The following EFCAB7 variants were observed in gnomAD, a reference collection of about 807,000 sequenced individuals.
EFCAB7 encodes EF-hand calcium binding domain 7.
In EFCAB7, 66 loss-of-function variants were observed where a neutral mutation model predicts 77.1. The ratio of observed to expected loss-of-function variants is 0.86; its 90% CI spans 0.70 to 1.05. The LOEUF is 1.05. Ranked by LOEUF, EFCAB7 falls within the 50% of genes least tolerant of loss-of-function variation. EFCAB7 has a pLI of 0.00. For synonymous variants in EFCAB7, 225 were observed against 243.3 expected (o/e 0.92, Z 0.70); for missense variants, 638 against 730.5 (o/e 0.87, Z 1.46).
chr1:63,533,701 T>G (rs781166888), intron 5 of EFCAB7, 52 bp downstream of exon 5: 5 of 1,359,708 alleles, frequency 3.7e-6, no homozygotes, highest in Non-Finnish European at 5.0e-6. Context: ...AGAGTCATAT[T>G]CAGATAAATT....
chr1:63,581,147 C>T, the EFCAB7 span, among the ~76,000 whole-genome samples: 1 of 152,060 alleles, frequency 6.6e-6, no homozygotes, highest in African/African-American at 2.4e-5. Flanking sequence ...TTTCCTTGCT[C>T]ACAATCTTAG....
intron 13 of EFCAB7, among the ~76,000 whole-genome samples, chr1:63,571,652 A>G (rs1440991915): frequency 1.4e-5 from 2 of 145,976 alleles, no homozygotes; most frequent in East Asian, 2.0e-4. Context: ...CCTGAGCGAC[A>G]AGAGTGAGAC....
Position 63,568,469 on chromosome 1 carries a change from G to A in EFCAB7, c.1657G>A (p.Val553Met), listed in dbSNP as rs112106239. The A allele has an allele frequency of 3.6e-4, 575 of 1,594,178 alleles. 2 individuals carry two copies. The African/African-American group carries it at 6.5e-3, about 18-fold the overall frequency. The change falls in exon 12 of 14, where the codon GTG becomes ATG. Residue 553 changes from valine (V) to methionine (M), a missense_variant. Val to Met is a conservative substitution (Grantham distance 21). Coordinates refer to ENST00000371088, the MANE Select transcript of EFCAB7 (RefSeq NM_032437.4). Reference protein sequence around the residue: ...KVMDGYENIIVHTYSCDTWIT... With the variant: ...KVMDGYENIIMHTYSCDTWIT... ...AATGGATGGCTATGAAAATATAATCGTGCATACTTACAGTTGTGACACCTG... is the reference window on the plus strand; with the variant it reads ...AATGGATGGCTATGAAAATATAATCATGCATACTTACAGTTGTGACACCTG...
At chr1:63,562,499 C>CTTT (rs371313667) in intron 11 of EFCAB7, among the ~76,000 whole-genome samples, 1 of 73,654 alleles carries the variant, frequency 1.4e-5, no homozygotes, top group African/African-American at 4.5e-5. Context: ...ATATATAAAA[C>CTTT]TTTTTTTTTT....
the EFCAB7 span, among the ~76,000 whole-genome samples, chr1:63,581,141 C>T: frequency 1.3e-5 from 2 of 151,998 alleles, no homozygotes; most frequent in Admixed American, 6.6e-5. Flanking sequence ...ATATCCTTTC[C>T]TTGCTCACAA....
chr1:63,534,616 ATCT>A (rs1646741880), intron 6 of EFCAB7, among the ~76,000 whole-genome samples: 1 of 152,080 alleles, frequency 6.6e-6, no homozygotes, highest in Non-Finnish European at 1.5e-5. Flanking sequence ...GTTAATATTG[ATCT>A]TCTTTCTTTG....
At chr1:63,549,521 A>T (rs1021356129) in intron 7 of EFCAB7, 1 of 456,870 alleles carries the variant, frequency 2.2e-6, no homozygotes, top group African/African-American at 2.1e-5. Context: ...TCATGGAAAA[A>T]GTTTTATTTA....
chr1:63,550,370 C>G (rs1181729983), intron 7 of EFCAB7: 1 of 152,056 alleles, frequency 6.6e-6, no homozygotes, highest in East Asian at 1.9e-4. Context: ...CCTCTTTGGA[C>G]TGAATACCTA....
intron 12 of EFCAB7, chr1:63,570,223 C>T (rs1647221725): frequency 6.6e-6 from 1 of 152,102 alleles, no homozygotes; most frequent in Admixed American, 6.5e-5. Flanking sequence ...TTATACTACC[C>T]CCTTTATAGT....
downstream of EFCAB7, among the ~76,000 whole-genome samples, chr1:63,576,347 G>T (rs1160009848): frequency 6.6e-6 from 1 of 151,806 alleles, no homozygotes; most frequent in Non-Finnish European, 1.5e-5. Flanking sequence ...AGGTGTGCTG[G>T]CGGACGCCTG....
In EFCAB7 at chr1:63,531,206, G is replaced by T. The variant is rs555124511; in HGVS notation, c.188-614G>T. 2.6e-5 allele frequency among the ~76,000 whole-genome samples: 4 copies of T among 151,888 alleles called. No individual in the cohort carries two copies. In the East Asian group the frequency reaches 5.8e-4, roughly 22 times the overall value. On this transcript the variant is annotated intron_variant, in intron 2 of 13. Coordinates refer to ENST00000371088, the MANE Select transcript of EFCAB7 (RefSeq NM_032437.4). ...ACTTAAGTTCCCCTTCCCAGTCTCT[G>T]GTAACCACTGATCTATTCTCTACTT...
At chr1:63,538,444 T>C (rs2100882565) in intron 6 of EFCAB7, among the ~76,000 whole-genome samples, 1 of 146,350 alleles carries the variant, frequency 6.8e-6, no homozygotes, top group Non-Finnish European at 1.5e-5. Context: ...TTTGAAAGGG[T>C]ATTTTTTTTT....
downstream of EFCAB7, chr1:63,572,756 G>A (rs1647303720): frequency 3.8e-6 from 3 of 782,414 alleles, no homozygotes; most frequent in Non-Finnish European, 4.7e-6. Flanking sequence ...CAATAAGGCT[G>A]TTTATTTCAC....
intron 7 of EFCAB7, chr1:63,550,932 G>T (rs1420156180): frequency 6.6e-6 from 1 of 152,184 alleles, no homozygotes; most frequent in African/African-American, 2.4e-5. Flanking sequence ...TTTAAAAAAA[G>T]ACTAGGGAAG....
chr1:63,560,313 C>T (rs9436689), intron 10 of EFCAB7, among the ~76,000 whole-genome samples: 27,825 of 151,756 alleles, frequency 0.18, 2,723 homozygotes, highest in Middle Eastern at 0.26. Flanking sequence ...AAAGTAGATT[C>T]GTTTTTGATA....
At chr1:63,527,941 A>G (rs572355486) in intron 2 of EFCAB7, 3 of 152,328 alleles carry the variant, frequency 2.0e-5, no homozygotes, top group Non-Finnish European at 2.9e-5. Flanking sequence ...AATGCTGGCA[A>G]GGATGTGGAG....
At chr1:63,545,662 C>T (rs112444955) in intron 6 of EFCAB7, among the ~76,000 whole-genome samples, 2,690 of 151,946 alleles carry the variant, frequency 0.018, 96 homozygotes, top group African/African-American at 0.061. Flanking sequence ...GACAGGGTTT[C>T]TCCATGTTGG....
chr1:63,534,196 A>G lies in EFCAB7; in HGVS notation c.784A>G (p.Met262Val). The change falls in exon 6 of 14, where the codon ATG becomes GTG. Residue 262 changes from methionine (M) to valine (V), a missense_variant. Coordinates refer to ENST00000371088, the MANE Select transcript of EFCAB7 (RefSeq NM_032437.4). ...TAATGGTAACCGAAACTCAAAGTTA[A>G]TGGAGCCAAATTTAATAAAGGTATA... The part of the protein sequence containing the change: ...GANGNRNSKL[M>V]EPNLIKDWQH... 1 of 1,612,696 alleles carries G rather than the reference A, an allele frequency of 6.2e-7. No homozygotes were observed. The highest frequency in any genetic ancestry group is 8.5e-7 in the Non-Finnish European group (1 of 1,179,170).
intron 1 of EFCAB7, 38 bp from the exon 2 acceptor site, chr1:63,525,534 C>G: frequency 7.1e-7 from 1 of 1,408,048 alleles, no homozygotes; most frequent in Non-Finnish European, 9.3e-7. Flanking sequence ...TTTAGTGACT[C>G]ACATTGACAA....
Sources: allele counts gnomAD v4.1 joint callset (sites outside exome capture counted in the v4.1 genomes callset), GRCh38; gene constraint gnomAD v4.1.1; transcripts MANE v1.5; gene names NCBI Gene and HGNC (gene_info 2026-07-23, HGNC 2026-07-21).